SYNE1: variants seen among roughly 807,000 people sequenced by gnomAD.
SYNE1 encodes the protein nesprin-1.
Under a neutral mutation model 1,111.0 loss-of-function variants are expected in SYNE1, and 616 were observed. That is an observed-to-expected ratio of 0.55 (90% CI 0.52 to 0.59). SYNE1 has a LOEUF of 0.59. SYNE1 is among the 20% of genes least tolerant of loss of function. SYNE1 has a pLI of 0.00. For synonymous variants in SYNE1, 3,855 were observed against 3,825.8 expected, an observed-to-expected ratio of 1.01 and a Z score of -0.28; for missense variants, 10,006 against 10,417.0, an observed-to-expected ratio of 0.96 and a Z score of 1.72.
intron 100 of SYNE1, among the ~76,000 whole-genome samples, chr6:152,262,577 G>A (rs748303985): frequency 7.2e-5 from 11 of 152,164 alleles, no homozygotes; most frequent in African/African-American, 1.7e-4. Context: ...ACAGGAGGGC[G>A]GTGCAGGACA....
At chr6:152,321,422 G>T (rs1326955984) in intron 83 of SYNE1, 32 bp from the exon 84 acceptor site, 22 of 1,611,276 alleles carry the variant, frequency 1.4e-5, no homozygotes, top group Non-Finnish European at 1.9e-5. Flanking sequence ...GAAATTTCTG[G>T]GAACCTTCTA....
In SYNE1 at chr6:152,539,999, T is replaced by G; in HGVS notation, c.90A>C (p.Lys30Asn). The change falls in exon 4 of 146, where the codon AAA (lysine) becomes AAC (asparagine). Residue 30 changes from lysine (K) to asparagine (N), a missense_variant. By Grantham distance (94) the Lys-to-Asn change is moderately conservative. This residue lies in a region of SYNE1 where 1,971 missense variants were observed against 2,084.1 expected (regional missense o/e 0.95). Coordinates refer to ENST00000367255, the MANE Select transcript of SYNE1 (RefSeq NM_182961.4). ...RLQDEQEIVQ[K>N]RTFTKWINSH... ...AGTTGATCCATTTTGTGAAAGTTCG[T>G]TTTTGTACTATCTCTTGCTCATCTA... The G allele has an allele frequency of 6.2e-7, 1 of 1,613,920 alleles. No individual in the cohort carries two copies. The highest frequency in any genetic ancestry group is 8.5e-7 in the Non-Finnish European group (1 of 1,179,886).
chr6:152,326,179 CTAA>C, intron 79 of SYNE1, 77 bp from the exon 80 acceptor site: 1 of 1,612,414 alleles, frequency 6.2e-7, no homozygotes, highest in Non-Finnish European at 8.5e-7. Flanking sequence ...GTCAGTATGT[CTAA>C]TGATACTCAG....
intron 78 of SYNE1, among the ~76,000 whole-genome samples, chr6:152,328,477 C>T (rs2096148081): frequency 6.6e-6 from 1 of 151,660 alleles, no homozygotes; most frequent in South Asian, 2.1e-4. Flanking sequence ...ATGATCTCGG[C>T]TCACTGCAAC....
chr6:152,275,837 C>T (rs2477171), intron 98 of SYNE1, among the ~76,000 whole-genome samples: 2 of 149,674 alleles, frequency 1.3e-5, no homozygotes, highest in Non-Finnish European at 3.0e-5. Flanking sequence ...GCTGAGATTG[C>T]GTCCCTGCAC....
Position 152,130,797 on chromosome 6 carries a change from G to A in SYNE1, c.26095-19C>T, listed in dbSNP as rs368739189. 3 of 1,613,716 alleles carry A rather than the reference G, an allele frequency of 1.9e-6. No homozygotes were observed. In the African/African-American group the frequency reaches 4.0e-5, roughly 22 times the overall value. On this transcript the variant is annotated intron_variant, in intron 144 of 145. Transcript: ENST00000367255. ...CTCGTGGCTGTTTGCAATGAACAGG[G>A]GGTAAAGAAAGAAGAATGTTCAGTC...
Position 152,155,054 on chromosome 6 carries a change from A to G in SYNE1, c.23979-12T>C. On this transcript the variant is annotated splice_polypyrimidine_tract_variant and intron_variant, in intron 132 of 145. Coordinates refer to ENST00000367255, the MANE Select transcript of SYNE1 (RefSeq NM_182961.4). ...ACGTCTCTTCGATTCTGGGGCGGAA[A>G]ATGAAAGAACAGATTCAGATTATTG... The G allele has an allele frequency of 6.2e-7, 1 of 1,614,028 alleles. No individual in the cohort carries two copies. The highest frequency in any genetic ancestry group is 8.5e-7 in the Non-Finnish European group (1 of 1,179,960).
chr6:152,622,274 A>G (rs2099677104), intron 3 of SYNE1, among the ~76,000 whole-genome samples: 1 of 152,120 alleles, frequency 6.6e-6, no homozygotes, highest in South Asian at 2.1e-4. Context: ...AGTTTTTTAA[A>G]CTTTTATTTT....
chr6:152,451,466 G>GTTTTT (rs1305086325), intron 25 of SYNE1, among the ~76,000 whole-genome samples: 2 of 112,336 alleles, frequency 1.8e-5, no homozygotes, highest in African/African-American at 3.8e-5. Context: ...GCCCTGCACC[G>GTTTTT]TATTTTTTTT....
At chr6:152,478,798 T>C (rs1477306488) in intron 14 of SYNE1, among the ~76,000 whole-genome samples, 1 of 152,136 alleles carries the variant, frequency 6.6e-6, no homozygotes, top group Admixed American at 6.5e-5. Flanking sequence ...CTTGGGTTAG[T>C]CATCGCGCCT....
At chr6:152,520,578 A>T in intron 5 of SYNE1, 36 bp from the exon 6 acceptor site, 1 of 1,599,166 alleles carries the variant, frequency 6.3e-7, no homozygotes, top group Non-Finnish European at 8.6e-7. Flanking sequence ...AATGAGACAA[A>T]ATCTGCATAT....
intron 84 of SYNE1, among the ~76,000 whole-genome samples, chr6:152,320,522 G>A (rs138548909): frequency 0.018 from 2,705 of 151,964 alleles, 74 homozygotes; most frequent in African/African-American, 0.06. Flanking sequence ...AAGAGAGTCC[G>A]AAAAATCTAT....
At chr6:152,295,476 T>C (rs1215210471) in intron 93 of SYNE1, among the ~76,000 whole-genome samples, 3 of 152,204 alleles carry the variant, frequency 2.0e-5, no homozygotes, top group Non-Finnish European at 4.4e-5. Flanking sequence ...GCTGGACTTG[T>C]AGTTATGTCT....
intron 130 of SYNE1, chr6:152,167,876 A>G: frequency 2.8e-6 from 2 of 717,034 alleles, no homozygotes. Context: ...TGGAATACAG[A>G]GTCATAATAA....
intron 97 of SYNE1, among the ~76,000 whole-genome samples, chr6:152,279,181 T>C (rs1156237044): frequency 7.0e-6 from 1 of 143,220 alleles, no homozygotes; most frequent in Non-Finnish European, 1.5e-5. Flanking sequence ...CAAGGTCTCC[T>C]CTAAAATGGA....
chr6:152,514,334 T>C (rs1354238845), intron 6 of SYNE1, among the ~76,000 whole-genome samples: 1 of 152,132 alleles, frequency 6.6e-6, no homozygotes, highest in African/African-American at 2.4e-5. Flanking sequence ...TGCAGGGACA[T>C]GGATGAAGCT....
chr6:152,330,936 A>T lies in SYNE1; in HGVS notation c.13749T>A (p.Ile4583=), dbSNP rs963116907. The T allele has an allele frequency of 6.2e-7, 1 of 1,614,168 alleles. No individual in the cohort carries two copies. The highest frequency in any genetic ancestry group is 8.5e-7 in the Non-Finnish European group (1 of 1,179,986). The change falls in exon 78 of 146, where the codon ATT becomes ATA. Residue 4583 remains isoleucine (I), a synonymous_variant. Coordinates refer to ENST00000367255, the MANE Select transcript of SYNE1 (RefSeq NM_182961.4). The stretch of plus-strand genomic sequence containing the variant: ...TTAGGTTGATTTCAGGAAATGTAAC[A>T]ATATCTGCTTGTTTTAGCCAGTGGC... ...KACHWLKQAD[I]VTFPEINLMN...
intron 91 of SYNE1, 41 bp downstream of exon 91, chr6:152,308,448 C>G (rs1322955803): frequency 6.2e-7 from 1 of 1,613,640 alleles, no homozygotes; most frequent in Non-Finnish European, 8.5e-7. Context: ...TCTAATCAAG[C>G]CAGTTTCCTG....
chr6:152,409,791 C>T (rs1386351351), intron 42 of SYNE1, 82 bp from the exon 43 acceptor site: 2 of 1,455,758 alleles, frequency 1.4e-6, no homozygotes, highest in Non-Finnish European at 9.6e-7. Flanking sequence ...CTTGATGTTT[C>T]ACTACGTAAA....
Sources: allele counts gnomAD v4.1 joint callset (sites outside exome capture counted in the v4.1 genomes callset), GRCh38; gene constraint gnomAD v4.1.1; regional missense constraint gnomAD v4.1.1; transcripts MANE v1.5; gene names NCBI Gene and HGNC (gene_info 2026-07-23, HGNC 2026-07-21).